PPM1H: variants seen among roughly 807,000 people sequenced by gnomAD.
PPM1H encodes protein phosphatase 1H.
A neutral mutation model predicts 54.9 loss-of-function variants in PPM1H; 27 were observed. The observed-to-expected ratio is 0.49, with a 90% CI of 0.36 to 0.68. PPM1H has a LOEUF of 0.68. Among genes scored for constraint, PPM1H ranks in the 30% least tolerant of loss-of-function variants. The probability of loss-of-function intolerance (pLI) is 0.00; values close to 1 mark genes in which losing one functional copy is unlikely to be tolerated. For missense variants in PPM1H, 596 were observed against 667.8 expected (o/e 0.89, Z 1.19); for synonymous variants, 305 against 270.8 (o/e 1.13, Z -1.24).
At chr12:62,728,635 T>A (rs1488627632) in intron 5 of PPM1H, among the ~76,000 whole-genome samples, 1 of 151,852 alleles carries the variant, frequency 6.6e-6, no homozygotes, top group Non-Finnish European at 1.5e-5. Flanking sequence ...AAGTCTAGAG[T>A]AGGTGAGCAA....
At chr12:62,900,452 G>A (rs1459754974) in intron 1 of PPM1H, among the ~76,000 whole-genome samples, 1 of 151,730 alleles carries the variant, frequency 6.6e-6, no homozygotes, top group Non-Finnish European at 1.5e-5. Context: ...GAGTTAATGG[G>A]TGCAGCACAC....
chr12:62,716,549 G>A (rs1160268787), intron 6 of PPM1H, among the ~76,000 whole-genome samples: 3 of 152,194 alleles, frequency 2.0e-5, no homozygotes, highest in Non-Finnish European at 4.4e-5. Context: ...CTTGTTAGAA[G>A]GTTTCAGAAG....
intron 2 of PPM1H, among the ~76,000 whole-genome samples, chr12:62,816,769 G>T (rs914203918): frequency 1.3e-5 from 2 of 151,518 alleles, no homozygotes; most frequent in Non-Finnish European, 2.9e-5. Flanking sequence ...AGAAAATAAA[G>T]TTTATTGCCC....
rs1055848426 is a variant in PPM1H at position 62,743,771 on chromosome 12, C to T, written c.870-6185G>A. ...GCAACTGACAGAAGGAAAAATGCAA[C>T]GATTAATAAAGATATGAAAAGATGC... On this transcript the variant is annotated intron_variant, in intron 4 of 9. Transcript: ENST00000228705. Among the ~76,000 whole-genome samples, 10 of 151,530 alleles carry T rather than the reference C, an allele frequency of 6.6e-5. 1 individual carries two copies. Among genetic ancestry groups the T allele is most frequent in the Admixed American group, 2.0e-4 (3 of 15,214 alleles).
At chr12:62,784,139 G>A (rs1392216630) in intron 4 of PPM1H, among the ~76,000 whole-genome samples, 1 of 152,178 alleles carries the variant, frequency 6.6e-6, no homozygotes, top group Non-Finnish European at 1.5e-5. Context: ...CAACTGGCAT[G>A]CATCAAGCAG....
chr12:62,933,902 G>C (rs1229104390), intron 1 of PPM1H: 1 of 152,218 alleles, frequency 6.6e-6, no homozygotes. Context: ...GGCATTTACC[G>C]AAAGCGCAGC....
At chr12:62,859,695 C>T (rs767623735) in intron 1 of PPM1H, among the ~76,000 whole-genome samples, 18 of 152,146 alleles carry the variant, frequency 1.2e-4, no homozygotes, top group Non-Finnish European at 2.4e-4. Context: ...AATAGATCAC[C>T]TGAATGAGAA....
chr12:62,860,665 T>G (rs776271393), intron 1 of PPM1H, among the ~76,000 whole-genome samples: 11 of 152,212 alleles, frequency 7.2e-5, no homozygotes, highest in Non-Finnish European at 1.3e-4. Context: ...ACGCATCTCC[T>G]ACAACTCAGT....
chr12:62,779,255 G>T (rs1202145361), intron 4 of PPM1H, among the ~76,000 whole-genome samples: 2 of 151,950 alleles, frequency 1.3e-5, no homozygotes, highest in Non-Finnish European at 2.9e-5. Context: ...CACCATGTTG[G>T]CCCAGCTGGT....
intron 4 of PPM1H, among the ~76,000 whole-genome samples, chr12:62,775,993 G>A (rs948169026): frequency 2.6e-5 from 4 of 152,174 alleles, no homozygotes; most frequent in African/African-American, 4.8e-5. Flanking sequence ...ACAAAGGCAC[G>A]TCTTACTTGA....
intron 1 of PPM1H, among the ~76,000 whole-genome samples, chr12:62,838,339 G>GTGTGT (rs1491147079): frequency 1.2e-5 from 1 of 80,132 alleles, no homozygotes; most frequent in Admixed American, 1.1e-4. Context: ...GTGTGTGTGT[G>GTGTGT]GGGGGGGGGA....
At chr12:62,878,668 G>C (rs1032524002) in intron 1 of PPM1H, among the ~76,000 whole-genome samples, 1 of 148,096 alleles carries the variant, frequency 6.8e-6, no homozygotes, top group Non-Finnish European at 1.5e-5. Flanking sequence ...GGCCAGGCAT[G>C]GTGGCTCATG....
At chr12:62,689,828 C>G in intron 7 of PPM1H, 22 bp from the exon 8 acceptor site, 1 of 1,529,258 alleles carries the variant, frequency 6.5e-7, no homozygotes, top group South Asian at 1.1e-5. Context: ...AGCAGAGGGT[C>G]ATCAGAAACA....
intron 6 of PPM1H, among the ~76,000 whole-genome samples, chr12:62,702,969 T>A (rs1191742558): frequency 1.3e-5 from 2 of 152,202 alleles, no homozygotes; most frequent in Non-Finnish European, 2.9e-5. Flanking sequence ...CCTCACTGAA[T>A]CTGCCTCTTC....
chr12:62,670,076 G>A (rs757966284), intron 8 of PPM1H, among the ~76,000 whole-genome samples: 14 of 137,664 alleles, frequency 1.0e-4, no homozygotes, highest in Non-Finnish European at 2.0e-4. Context: ...CTCCCAGGTT[G>A]AAGCGATTCT....
chr12:62,898,941 G>T (rs1175606291), intron 1 of PPM1H, among the ~76,000 whole-genome samples: 6 of 152,188 alleles, frequency 3.9e-5, no homozygotes, highest in African/African-American at 1.4e-4. Context: ...ACACTGGGAA[G>T]GCCACTGAAA....
intron 1 of PPM1H, among the ~76,000 whole-genome samples, chr12:62,921,410 T>G (rs1871796152): frequency 6.6e-6 from 1 of 152,140 alleles, no homozygotes; most frequent in African/African-American, 2.4e-5. Flanking sequence ...GGCAAGTAAT[T>G]GATCTGTCTG....
At chr12:62,833,166 C>T (rs1300485174) in intron 1 of PPM1H, among the ~76,000 whole-genome samples, 3 of 152,172 alleles carry the variant, frequency 2.0e-5, no homozygotes, top group Non-Finnish European at 4.4e-5. Flanking sequence ...AAAGCTTCAA[C>T]AGTGTCACAG....
chr12:62,751,565 C>T (rs1011270922), intron 4 of PPM1H, among the ~76,000 whole-genome samples: 1 of 152,242 alleles, frequency 6.6e-6, no homozygotes, highest in Non-Finnish European at 1.5e-5. Context: ...TTGATCTTCA[C>T]ATTATACATC....
Sources: allele counts gnomAD v4.1 joint callset (sites outside exome capture counted in the v4.1 genomes callset), GRCh38; gene constraint gnomAD v4.1.1; transcripts MANE v1.5; gene names NCBI Gene and HGNC (gene_info 2026-07-23, HGNC 2026-07-21).